BRPF1: variants seen among roughly 807,000 people sequenced by gnomAD.
The protein encoded by BRPF1 is peregrin.
Under a neutral mutation model 115.0 loss-of-function variants are expected in BRPF1, and 15 were observed. The ratio of observed to expected loss-of-function variants is 0.13; its 90% CI spans 0.09 to 0.20. The LOEUF is 0.20. Among genes scored for constraint, BRPF1 ranks in the 10% least tolerant of loss-of-function variants. BRPF1 has a pLI of 1.00. For synonymous variants in BRPF1, 647 were observed against 619.8 expected (o/e 1.04, Z -0.65); for missense variants, 1,118 against 1,638.3 (o/e 0.68, Z 5.48).
Position 9,739,410 on chromosome 3 carries a change from C to T in BRPF1, c.1011C>T (p.Gly337=), listed in dbSNP as rs377261665. 48 of 1,614,054 alleles carry T rather than the reference C, an allele frequency of 3.0e-5. No individual in the cohort carries two copies. Among genetic ancestry groups the T allele is most frequent in the Non-Finnish European group, 3.3e-5 (39 of 1,180,040 alleles). ...AVDCALCPNK[G]GAFKQTDDGR... ...ATTGTGCCCTGTGCCCCAACAAGGG[C>T]GGTGCCTTCAAGCAGACAGATGACG... The change falls in exon 3 of 14, where the codon GGC becomes GGT. Residue 337 remains glycine (G), a synonymous_variant. Coordinates refer to ENST00000383829, the MANE Select transcript of BRPF1 (RefSeq NM_001003694.2).
Position 9,745,815 on chromosome 3 carries a change from T to C in BRPF1, c.3209T>C (p.Val1070Ala). Residue 1070 changes from valine to alanine, a missense_variant, in exon 12 of 14, where the codon GTA (valine) becomes GCA (alanine). Physicochemically the swap from Val to Ala is moderately conservative, Grantham distance 64 (BLOSUM62 0). Transcript: ENST00000383829. This position sits in a 1 kb window ranked among gnomAD's most constrained non-coding sequence, Gnocchi z 5.1. ...GTGRGVGHSM[V>A]RKSLGRGAGW... Reference sequence around the variant, plus strand: ...CCTCTCCCCCATTCCTGTGAAGTGGTAAGGAAGAGTCTGGGCCGGGGAGCT... The same window carrying C: ...CCTCTCCCCCATTCCTGTGAAGTGGCAAGGAAGAGTCTGGGCCGGGGAGCT... 6.2e-7 allele frequency: 1 copy of C among 1,613,778 alleles called. No individual in the cohort carries two copies. The highest frequency in any genetic ancestry group is 1.7e-5 in the Admixed American group (1 of 59,992).
intron 2 of BRPF1, among the ~76,000 whole-genome samples, chr3:9,738,460 C>T (rs995720088): frequency 7.2e-5 from 11 of 152,216 alleles, no homozygotes; most frequent in Admixed American, 3.9e-4. Context: ...TAGAGTTTGA[C>T]GGAGCCTTGA....
chr3:9,732,351 A>G (rs1191843356), intron 1 of BRPF1: 1 of 152,140 alleles, frequency 6.6e-6, no homozygotes, highest in East Asian at 1.9e-4. Context: ...GCCTTGTTTC[A>G]CTTGTTACAC....
Position 9,734,110 on chromosome 3 carries a change from T to A in BRPF1, c.-10-21T>A. ...CAGGAACTCATCCCCAGCCTTATGT[T>A]AACTGATCTGTGTATTCTAGATGTG... On this transcript the variant is annotated intron_variant, in intron 1 of 13. Transcript: ENST00000383829. This position sits in a 1 kb window ranked among gnomAD's most constrained non-coding sequence, Gnocchi z 5.7. 1 of 1,554,424 alleles carries A rather than the reference T, an allele frequency of 6.4e-7. No individual in the cohort carries two copies. Among genetic ancestry groups the A allele is most frequent in the Non-Finnish European group, 8.7e-7 (1 of 1,148,248 alleles).
rs1575162737 is a variant in BRPF1 at position 9,743,135 on chromosome 3, T to G, written c.2193T>G (p.Gly731=). 6.2e-7 allele frequency: 1 copy of G among 1,614,154 alleles called. No individual in the cohort carries two copies. The highest frequency in any genetic ancestry group is 8.5e-7 in the Non-Finnish European group (1 of 1,180,040). ...YRAAVRLREQ[G]GAVLRQARRQ... ...CAGCAGTGCGGCTTCGTGAGCAGGG[T>G]GGTGCTGTGCTCCGCCAGGCCCGGC... is the stretch of plus-strand genomic sequence containing the variant. The change falls in exon 7 of 14, where the codon GGT becomes GGG. Residue 731 remains glycine (G), a synonymous_variant. Coordinates refer to ENST00000383829, the MANE Select transcript of BRPF1 (RefSeq NM_001003694.2). The surrounding 1 kb of genome is among the most constrained non-coding windows in gnomAD (Gnocchi z 6.1).
chr3:9,739,325 A>G lies in BRPF1; in HGVS notation c.926A>G (p.Tyr309Cys), dbSNP rs1447827659. The G allele has an allele frequency of 1.9e-6, 3 of 1,614,146 alleles. No homozygotes were observed. The highest frequency in any genetic ancestry group is 2.5e-6 in the Non-Finnish European group (3 of 1,180,012). The part of the protein sequence containing the change: ...AVHQECYGVP[Y>C]IPEGQWLCRR... Reference sequence around the variant, plus strand: ...CACCAGGAGTGCTACGGTGTCCCCTATATCCCTGAGGGCCAGTGGCTGTGC... The same window carrying G: ...CACCAGGAGTGCTACGGTGTCCCCTGTATCCCTGAGGGCCAGTGGCTGTGC... The change falls in exon 3 of 14, where the codon TAT becomes TGT. Residue 309 changes from tyrosine to cysteine, a missense_variant. This residue lies in a region of BRPF1 where 64 missense variants were observed against 172.8 expected (regional missense o/e 0.37). Transcript: ENST00000383829.
At position 9,734,417 on chromosome 3, in the gene BRPF1, G is replaced by A. The variant is rs1020419178; in HGVS notation, c.277G>A (p.Ala93Thr). Residue 93 changes from alanine (A) to threonine (T), a missense_variant, in exon 2 of 14, where the codon GCA becomes ACA. Ala to Thr is a moderately conservative substitution (Grantham distance 58). Around this residue, in one of 10 missense-constraint regions of BRPF1, gnomAD observed 280 missense variants for 382.8 expected, o/e 0.73. Transcript: ENST00000383829. This position sits in a 1 kb window ranked among gnomAD's most constrained non-coding sequence, Gnocchi z 5.7. Reference sequence around the variant, plus strand: ...ACCAGGCCGTGAGGTGATGAGCTATGCACAGGCCCAGCGCATGGTGGAGGT... The same window carrying A: ...ACCAGGCCGTGAGGTGATGAGCTATACACAGGCCCAGCGCATGGTGGAGGT... ...QSPGREVMSY[A>T]QAQRMVEVDL... 3.7e-6 allele frequency: 6 copies of A among 1,614,154 alleles called. No homozygotes were observed. The highest frequency in any genetic ancestry group is 5.1e-6 in the Non-Finnish European group (6 of 1,180,026).
chr3:9,743,368 G>A lies in BRPF1; in HGVS notation c.2311+115G>A. On this transcript the variant is annotated intron_variant, in intron 7 of 13. Transcript: ENST00000383829. This position sits in a 1 kb window ranked among gnomAD's most constrained non-coding sequence, Gnocchi z 6.1. ...GCAGAAAGCAGCTAGGCTGAGCAGT[G>A]GCAAGCTATCCCCAGGAATGCTCCC... The A allele has an allele frequency of 7.2e-7, 1 of 1,394,362 alleles. No homozygotes were observed. The highest frequency in any genetic ancestry group is 2.5e-5 in the Admixed American group (1 of 40,764). 86.4% of individuals were successfully genotyped at this position (1,394,362 alleles called of 1,614,324 possible).
Position 9,736,034 on chromosome 3 carries a change from C to T in BRPF1, c.599+1295C>T, listed in dbSNP as rs1262813030. ...TTTTTTTTTTTTTTTTTTTTTGAGA[C>T]GGAGTCTCGCTCTGTCACCCAGGCT... On this transcript the variant is annotated intron_variant, in intron 2 of 13. Coordinates refer to ENST00000383829, the MANE Select transcript of BRPF1 (RefSeq NM_001003694.2). 0.011 allele frequency among the ~76,000 whole-genome samples: 43 copies of T among 4,014 alleles called. 1 individual carries two copies. The East Asian group carries it at 0.11, about 10-fold the overall frequency. The allele number at this position is 4,014 out of a possible 152,430, so 2.6% of individuals were successfully genotyped here.
chr3:9,747,503 A>T lies in BRPF1; in HGVS notation c.*154A>T. ...GGGTGGGGGAGGTCCCTCCTGCCCTAAGTGCAGCTGGACTGTACAGAACAC... is the reference window on the plus strand; with the variant it reads ...GGGTGGGGGAGGTCCCTCCTGCCCTTAGTGCAGCTGGACTGTACAGAACAC... On this transcript the variant is annotated 3_prime_UTR_variant, in exon 14 of 14. Coordinates refer to ENST00000383829, the MANE Select transcript of BRPF1 (RefSeq NM_001003694.2). The surrounding 1 kb of genome is among the most constrained non-coding windows in gnomAD (Gnocchi z 5.6). The T allele has an allele frequency of 1.2e-6, 1 of 839,518 alleles. No homozygotes were observed. The highest frequency in any genetic ancestry group is 1.7e-5 in the South Asian group (1 of 59,532). 52.0% of individuals were successfully genotyped at this position (839,518 alleles called of 1,614,324 possible).
rs779628014 is a variant in BRPF1 at position 9,740,862 on chromosome 3, G to A, written c.1643G>A (p.Arg548Gln). The A allele has an allele frequency of 1.2e-6, 2 of 1,614,082 alleles. No homozygotes were observed. The highest frequency in any genetic ancestry group is 1.7e-6 in the Non-Finnish European group (2 of 1,180,034). The change falls in exon 4 of 14, where the codon CGG becomes CAG. Residue 548 changes from arginine to glutamine, a missense_variant. Arg to Gln is a conservative substitution (Grantham distance 43, BLOSUM62 1). Around this residue, in one of 10 missense-constraint regions of BRPF1, gnomAD observed 178 missense variants for 303.7 expected, o/e 0.59. Coordinates refer to ENST00000383829, the MANE Select transcript of BRPF1 (RefSeq NM_001003694.2). Reference protein sequence around the residue: ...QRLHSYWTLKRQSRNGVPLLR... With the variant: ...QRLHSYWTLKQQSRNGVPLLR... ...CTGCACAGCTACTGGACACTGAAGC[G>A]GCAGTCACGGAATGGGGTCCCATTG... is the stretch of plus-strand genomic sequence containing the variant.
chr3:9,740,196 C>T (rs1000317009), intron 3 of BRPF1, among the ~76,000 whole-genome samples: 2 of 152,188 alleles, frequency 1.3e-5, no homozygotes, highest in South Asian at 4.1e-4. Flanking sequence ...TGGAACTGCC[C>T]TTCATTTTGA....
chr3:9,736,579 AG>A (rs2125495664), intron 2 of BRPF1, among the ~76,000 whole-genome samples: 1 of 152,180 alleles, frequency 6.6e-6, no homozygotes, highest in East Asian at 1.9e-4. Flanking sequence ...CTGCTCTAAC[AG>A]GCAGCCCAGC....
chr3:9,747,133 G>C lies in BRPF1; in HGVS notation c.3480-33G>C. ...GAAGGCTGGTCCTTGTTCTCCCTGA[G>C]ATGATTTATTTGATCTTCACCTTAT... On this transcript the variant is annotated intron_variant, in intron 13 of 13. Coordinates refer to ENST00000383829, the MANE Select transcript of BRPF1 (RefSeq NM_001003694.2). This position sits in a 1 kb window ranked among gnomAD's most constrained non-coding sequence, Gnocchi z 5.6. 6.2e-7 allele frequency: 1 copy of C among 1,611,954 alleles called. No homozygotes were observed. Among genetic ancestry groups the C allele is most frequent in the Non-Finnish European group, 8.5e-7 (1 of 1,178,366 alleles).
chr3:9,744,473 G>A lies in BRPF1; in HGVS notation c.2885G>A (p.Ser962Asn). The A allele has an allele frequency of 6.4e-7, 1 of 1,572,766 alleles. No homozygotes were observed. Among genetic ancestry groups the A allele is most frequent in the Non-Finnish European group, 8.6e-7 (1 of 1,160,530 alleles). Reference protein sequence around the residue: ...RSPRPSSSSDSDSDKSTEDPP... With the variant: ...RSPRPSSSSDNDSDKSTEDPP... ...CCCCGGCCCAGTTCGAGCTCAGACA[G>A]CGACAGTGATAAGTCCACAGAAGAC... Residue 962 changes from serine (S) to asparagine (N), a missense_variant, in exon 9 of 14, where the codon AGC becomes AAC. Physicochemically the swap from Ser to Asn is conservative, Grantham distance 46. Coordinates refer to ENST00000383829, the MANE Select transcript of BRPF1 (RefSeq NM_001003694.2).
chr3:9,742,047 T>C lies in BRPF1; in HGVS notation c.1877T>C (p.Met626Thr), dbSNP rs575398501. The C allele has an allele frequency of 3.7e-6, 6 of 1,614,044 alleles. No individual in the cohort carries two copies. Among genetic ancestry groups the C allele is most frequent in the East Asian group, 2.2e-5 (1 of 44,894 alleles). Reference protein sequence around the residue: ...RETIKVQQIAMEMQLTPFLIL... With the variant: ...RETIKVQQIATEMQLTPFLIL... The stretch of plus-strand genomic sequence containing the variant: ...TAGATCAAGGTTCAGCAGATTGCCA[T>C]GGAGATGCAGCTGACTCCTTTCCTC... The change falls in exon 6 of 14, where the codon ATG becomes ACG. Residue 626 changes from methionine to threonine, a missense_variant. Transcript: ENST00000383829.
At position 9,743,524 on chromosome 3, in the gene BRPF1, G is replaced by C; in HGVS notation, c.2312-54G>C. The C allele has an allele frequency of 6.4e-7, 1 of 1,554,064 alleles. No individual in the cohort carries two copies. Among genetic ancestry groups the C allele is most frequent in the Non-Finnish European group, 8.7e-7 (1 of 1,146,336 alleles). ...TTTCTTGCTGCCTGCCCAGGTTCAA[G>C]GGGCCCTGAGGGCTGCCCTGAGTCT... is the stretch of plus-strand genomic sequence containing the variant. On this transcript the variant is annotated intron_variant, in intron 7 of 13. Transcript: ENST00000383829. This position sits in a 1 kb window ranked among gnomAD's most constrained non-coding sequence, Gnocchi z 6.1.
At chr3:9,740,557 T>G (rs1296448550) in intron 3 of BRPF1, among the ~76,000 whole-genome samples, 1 of 152,152 alleles carries the variant, frequency 6.6e-6, no homozygotes, top group African/African-American at 2.4e-5. Context: ...TGTACAGGGT[T>G]AGGGATCTGG....
intron 2 of BRPF1, 75 bp from the exon 3 acceptor site, chr3:9,738,922 CAA>C (rs2076984587): frequency 3.5e-5 from 50 of 1,413,304 alleles, no homozygotes; most frequent in Non-Finnish European, 4.7e-5. Context: ...AGTAAGTGCT[CAA>C]TGGCAAATGA....
Sources: allele counts gnomAD v4.1 joint callset (sites outside exome capture counted in the v4.1 genomes callset), GRCh38; gene constraint gnomAD v4.1.1; regional missense constraint gnomAD v4.1.1; non-coding constraint Gnocchi (gnomAD v3.1); transcripts MANE v1.5; gene names NCBI Gene and HGNC (gene_info 2026-07-23, HGNC 2026-07-21).